The following CAP1 variants were observed in gnomAD, a reference collection of about 807,000 sequenced individuals.
CAP1 encodes adenylyl cyclase-associated protein 1.
A neutral mutation model predicts 58.2 loss-of-function variants in CAP1; 11 were observed. The observed-to-expected ratio is 0.19, with a 90% CI of 0.12 to 0.31. CAP1 has a LOEUF of 0.31. Ranked by LOEUF, CAP1 falls within the 10% of genes least tolerant of loss-of-function variation. The pLI is 1.00. For synonymous variants in CAP1, 183 were observed against 213.8 expected (o/e 0.86, Z 1.26); for missense variants, 423 against 587.5 (o/e 0.72, Z 2.89).
chr1:40,045,238 T>G (rs985765226), intron 1 of CAP1, among the ~76,000 whole-genome samples: 2 of 151,408 alleles, frequency 1.3e-5, no homozygotes, highest in Admixed American at 6.5e-5. Flanking sequence ...AAATTGCCCC[T>G]GGTTGAGAAT....
chr1:40,071,401 G>C lies in CAP1; in HGVS notation c.1345-49G>C, dbSNP rs769455881. On this transcript the variant is annotated intron_variant, in intron 12 of 12. Coordinates refer to ENST00000372805, the MANE Select transcript of CAP1 (RefSeq NM_006367.4). ...GAGAAATGTGTGAGATTTAGCCCCA[G>C]CTGTTCTTTAGCTCAGATTTAAACC... is the stretch of plus-strand genomic sequence containing the variant. The C allele has an allele frequency of 7.6e-6, 10 of 1,317,512 alleles. 1 individual carries two copies. The South Asian group carries it at 1.2e-4, about 16-fold the overall frequency. The allele number at this position is 1,317,512 out of a possible 1,614,324, so 81.6% of individuals were successfully genotyped here.
At chr1:40,069,326 A>AT (rs143304995) in intron 8 of CAP1, among the ~76,000 whole-genome samples, 95 of 148,972 alleles carry the variant, frequency 6.4e-4, no homozygotes, top group Admixed American at 1.7e-3. Context: ...GAGTGAGGGT[A>AT]TTTTTTTCTT....
chr1:40,065,102 C>T (rs1647016154), intron 6 of CAP1, among the ~76,000 whole-genome samples: 1 of 152,190 alleles, frequency 6.6e-6, no homozygotes, highest in Non-Finnish European at 1.5e-5. Context: ...GATCCTTACC[C>T]TTCTGGGTTT....
At chr1:40,057,028 T>C (rs537524865) in intron 1 of CAP1, among the ~76,000 whole-genome samples, 2 of 152,324 alleles carry the variant, frequency 1.3e-5, no homozygotes, top group South Asian at 4.1e-4. Context: ...TTAGCTTGTT[T>C]AGCAGTGAAA....
intron 1 of CAP1, among the ~76,000 whole-genome samples, chr1:40,059,032 T>TTTTTTTTTTTTTTTTTTTTTTGAG (rs1553163419): frequency 2.0e-5 from 3 of 152,018 alleles, no homozygotes; most frequent in African/African-American, 7.3e-5. Context: ...TCTAACTTTC[T>TTTTTTTTTTTTTTTTTTTTTTGAG]ACACACAGTA....
chr1:40,052,005 G>A (rs892974768), intron 1 of CAP1, among the ~76,000 whole-genome samples: 1 of 152,120 alleles, frequency 6.6e-6, no homozygotes, highest in African/African-American at 2.4e-5. Context: ...GAGGGACCAT[G>A]TGTCTTCTAT....
At chr1:40,048,634 A>G (rs1342209029) in intron 1 of CAP1, among the ~76,000 whole-genome samples, 1 of 152,118 alleles carries the variant, frequency 6.6e-6, no homozygotes, top group Non-Finnish European at 1.5e-5. Context: ...ATTGTCAAAA[A>G]CCCATCACCC....
intron 1 of CAP1, 35 bp from the exon 2 acceptor site, chr1:40,059,302 T>A (rs370758423): frequency 1.1e-5 from 14 of 1,269,248 alleles, no homozygotes; most frequent in Non-Finnish European, 1.6e-5. Context: ...TATTTAATAT[T>A]TAAATAACAA....
At chr1:40,046,900 G>A (rs1321306492) in intron 1 of CAP1, among the ~76,000 whole-genome samples, 1 of 151,918 alleles carries the variant, frequency 6.6e-6, no homozygotes, top group African/African-American at 2.4e-5. Flanking sequence ...AGCCTCCTGA[G>A]TAGCTGGTAC....
chr1:40,064,413 T>G (rs1646987644), intron 5 of CAP1, 43 bp downstream of exon 5: 1 of 1,613,560 alleles, frequency 6.2e-7, no homozygotes, highest in African/African-American at 1.3e-5. Flanking sequence ...GTATAGATTT[T>G]AAGAGGGAAG....
intron 8 of CAP1, among the ~76,000 whole-genome samples, chr1:40,068,909 TGCAATCTCTGCCTCCCA>T (rs1382545266): frequency 1.7e-4 from 26 of 151,992 alleles, no homozygotes; most frequent in African/African-American, 5.8e-4. Context: ...CTTGGCTCAC[TGCAATCTCTGCCTCCCA>T]GGTTCAAGCA....
Position 40,071,796 on chromosome 1 carries a change from A to C in CAP1, c.*263A>C. 1 of 518,334 alleles carries C rather than the reference A, an allele frequency of 1.9e-6. No individual in the cohort carries two copies. Among genetic ancestry groups the C allele is most frequent in the Non-Finnish European group, 3.4e-6 (1 of 292,596 alleles). The allele number at this position is 518,334 out of a possible 1,614,324, so 32.1% of individuals were successfully genotyped here. ...CCAGTCCATTCTTAAGGAACTGCCG[A>C]CTAGGACTGATGATGCATTTTAGCT... On this transcript the variant is annotated 3_prime_UTR_variant, in exon 13 of 13. Transcript: ENST00000372805.
intron 1 of CAP1, among the ~76,000 whole-genome samples, chr1:40,042,518 G>A (rs1003130189): frequency 1.3e-5 from 2 of 152,226 alleles, no homozygotes; most frequent in South Asian, 4.1e-4. Flanking sequence ...GACGAGTTCA[G>A]TGTGACTGGA....
intron 12 of CAP1, among the ~76,000 whole-genome samples, 164 bp from the exon 13 acceptor site, chr1:40,071,286 C>T (rs551912907): frequency 1.4e-4 from 21 of 152,304 alleles, no homozygotes; most frequent in African/African-American, 5.1e-4. Flanking sequence ...TGTCCAAGAT[C>T]GCTGAACACT....
At chr1:40,048,658 A>G (rs1179560783) in intron 1 of CAP1, among the ~76,000 whole-genome samples, 1 of 152,192 alleles carries the variant, frequency 6.6e-6, no homozygotes, top group East Asian at 1.9e-4. Flanking sequence ...TGTGACAAAT[A>G]TTGTAAATTT....
At position 40,064,574 on chromosome 1, in the gene CAP1, TTCTC is replaced by T; in HGVS notation, c.524+19_524+22del. 6.3e-7 allele frequency: 1 copy of T among 1,594,762 alleles called. No individual in the cohort carries two copies. Among genetic ancestry groups the T allele is most frequent in the Non-Finnish European group, 8.6e-7 (1 of 1,163,770 alleles). ...TACAAAGATGTGTAAGTTCAGCCTTTTCTCTCTTTTTTTCTTTTCTGAGACAGTG... is the reference window on the plus strand; with the variant it reads ...TACAAAGATGTGTAAGTTCAGCCTTTTCTTTTTTTCTTTTCTGAGACAGTG... On this transcript the variant is annotated intron_variant, in intron 6 of 12. Transcript: ENST00000372805.
chr1:40,050,756 A>G (rs184887516), intron 1 of CAP1, among the ~76,000 whole-genome samples: 18 of 152,244 alleles, frequency 1.2e-4, no homozygotes, highest in African/African-American at 4.1e-4. Context: ...AGACCCTAAT[A>G]TCATCACTTG....
rs185160226 is a variant in CAP1 at position 40,071,594 on chromosome 1, C to G, written c.*61C>G. The stretch of plus-strand genomic sequence containing the variant: ...ACCATGGGATAAATCTGTATCAAGA[C>G]GGTTCTTTTCTAGATTTCCTCTACC... On this transcript the variant is annotated 3_prime_UTR_variant, in exon 13 of 13. Transcript: ENST00000372805. The G allele has an allele frequency of 7.4e-6, 8 of 1,084,254 alleles. No homozygotes were observed. In the African/African-American group the frequency reaches 1.2e-4, roughly 17 times the overall value. The allele number at this position is 1,084,254 out of a possible 1,614,324, so 67.2% of individuals were successfully genotyped here.
intron 6 of CAP1, among the ~76,000 whole-genome samples, chr1:40,065,740 C>A (rs1647040447): frequency 6.6e-6 from 1 of 152,136 alleles, no homozygotes. Flanking sequence ...TCAGGGTGGG[C>A]ATATTTTGAC....
Sources: allele counts gnomAD v4.1 joint callset (sites outside exome capture counted in the v4.1 genomes callset), GRCh38; gene constraint gnomAD v4.1.1; transcripts MANE v1.5; gene names NCBI Gene and HGNC (gene_info 2026-07-23, HGNC 2026-07-21).